The following RCOR2 variants were observed in gnomAD, a reference collection of about 807,000 sequenced individuals.
RCOR2 encodes REST corepressor 2.
Under a neutral mutation model 58.9 loss-of-function variants are expected in RCOR2, and 19 were observed. That is an observed-to-expected ratio of 0.32 (90% confidence interval 0.23 to 0.47). RCOR2 has a LOEUF of 0.47. Among genes scored for constraint, RCOR2 ranks in the 20% least tolerant of loss-of-function variants. The pLI is 1.00. For missense variants in RCOR2, 590 were observed against 707.9 expected (o/e 0.83, Z 1.89); for synonymous variants, 286 against 278.7 (o/e 1.03, Z -0.26).
chr11:63,914,065 G>A lies in RCOR2; in HGVS notation c.780C>T (p.Pro260=). 6.2e-7 allele frequency: 1 copy of A among 1,613,878 alleles called. No homozygotes were observed. The highest frequency in any genetic ancestry group is 1.7e-4 in the Middle Eastern group (1 of 6,046). Residue 260 remains proline, a synonymous_variant, in exon 8 of 12, where the codon CCC becomes CCT. Transcript: ENST00000301459. ...CTTCAGGGCTCAGGTACATGCCCTTGGGTGGGCGACGCCGGGTTCGCAAGG... is the reference window on the plus strand; with the variant it reads ...CTTCAGGGCTCAGGTACATGCCCTTAGGTGGGCGACGCCGGGTTCGCAAGG... ...HHPLRTRRRP[P]KGMYLSPEGL... is the part of the protein sequence containing the mutation.
upstream of RCOR2, among the ~76,000 whole-genome samples, chr11:63,919,571 G>A (rs1347625099): frequency 6.6e-6 from 1 of 152,134 alleles, no homozygotes; most frequent in Non-Finnish European, 1.5e-5. Flanking sequence ...GAGGTGCCAC[G>A]TGGCCAGGAA....
intron 3 of RCOR2, 71 bp downstream of exon 3, chr11:63,915,107 C>G (rs1422078201): frequency 2.0e-6 from 3 of 1,514,912 alleles, no homozygotes; most frequent in Non-Finnish European, 2.7e-6. Flanking sequence ...TTCCAGCCCC[C>G]TTCTGAGAAG....
Position 63,912,509 on chromosome 11 carries a change from A to G in RCOR2, c.1053T>C (p.Phe351=), listed in dbSNP as rs746524668. 5.6e-6 allele frequency: 9 copies of G among 1,613,810 alleles called. No individual in the cohort carries two copies. The South Asian group carries it at 9.9e-5, about 18-fold the overall frequency. The part of the protein sequence containing the change: ...VQAIRRYGKD[F]GAIAEVIGNK... ...TCCCAATCACCTCTGCAATAGCCCC[A>G]AAGTCTTTGCCATACCTACGGATGG... is the stretch of plus-strand genomic sequence containing the variant. Residue 351 remains phenylalanine, a synonymous_variant, in exon 11 of 12, where the codon TTT becomes TTC. Transcript: ENST00000301459.
upstream of RCOR2, among the ~76,000 whole-genome samples, chr11:63,919,842 A>G (rs1941904653): frequency 6.6e-6 from 1 of 152,258 alleles, no homozygotes; most frequent in Non-Finnish European, 1.5e-5. Flanking sequence ...GCTGCAGGCC[A>G]GGACGCAGGC....
At chr11:63,921,639 T>C (rs1421087089), upstream of RCOR2, among the ~76,000 whole-genome samples, 3 of 152,194 alleles carry the variant, frequency 2.0e-5, no homozygotes, top group African/African-American at 7.2e-5. Context: ...CCTGACCTCA[T>C]TGACTGTTAG....
chr11:63,915,260 T>C lies in RCOR2; in HGVS notation c.185-2A>G. 1 of 1,551,188 alleles carries C rather than the reference T, an allele frequency of 6.4e-7. No individual in the cohort carries two copies. The highest frequency in any genetic ancestry group is 8.7e-7 in the Non-Finnish European group (1 of 1,146,888). ...TGTTGCTGTAGCGTGCGGGGCTCTC[T>C]GAAAGGCCGAGGAGCAGGAGGGAAG... On this transcript the variant is annotated splice_acceptor_variant, in intron 2 of 11. Coordinates refer to ENST00000301459, the MANE Select transcript of RCOR2 (RefSeq NM_173587.4). LOFTEE classifies it high-confidence loss of function.
In RCOR2 at chr11:63,914,162, G is replaced by A. The variant is rs779623588; in HGVS notation, c.683C>T (p.Pro228Leu). Residue 228 changes from proline to leucine, a missense_variant, in exon 8 of 12, where the codon CCC (proline) becomes CTC (leucine). Pro to Leu is a moderately conservative substitution (Grantham distance 98). Transcript: ENST00000301459. ...TGGGCGTGCATTCAGGGGCCGAGAG[G>A]GTAGAGGCTGCCAGTGAAAGGAGAG... ...DPADPKREPL[P>L]SRPLNARPGP... 5 of 1,613,596 alleles carry A rather than the reference G, an allele frequency of 3.1e-6. No homozygotes were observed. The highest frequency in any genetic ancestry group is 1.3e-5 in the African/African-American group (1 of 74,924).
At chr11:63,924,397 C>T in the RCOR2 span, among the ~76,000 whole-genome samples, 8 of 152,166 alleles carry the variant, frequency 5.3e-5, no homozygotes, top group Middle Eastern at 6.8e-3. Context: ...TTAGTAGAGA[C>T]GGGGTTTCAC....
chr11:63,919,228 G>C (rs1430461480), upstream of RCOR2, among the ~76,000 whole-genome samples: 3 of 152,032 alleles, frequency 2.0e-5, no homozygotes, highest in Non-Finnish European at 4.4e-5. Context: ...TCCTAGTGAA[G>C]AACCCCCTCA....
chr11:63,914,753 A>G lies in RCOR2; in HGVS notation c.382T>C (p.Phe128Leu). 1 of 1,613,412 alleles carries G rather than the reference A, an allele frequency of 6.2e-7. No individual in the cohort carries two copies. Among genetic ancestry groups the G allele is most frequent in the Non-Finnish European group, 8.5e-7 (1 of 1,179,698 alleles). ...GTCCACTCGTCAGGGAATGGGGTGA[A>G]GTTGGCCAGGTCGGCCAGCGACTTC... ...VEKSLADLAN[F>L]TPFPDEWTVE... Residue 128 changes from phenylalanine to leucine, a missense_variant, in exon 5 of 12, where the codon TTC becomes CTC. Physicochemically the swap from Phe to Leu is conservative, Grantham distance 22 (BLOSUM62 0). Transcript: ENST00000301459.
upstream of RCOR2, among the ~76,000 whole-genome samples, chr11:63,918,713 C>A (rs372007930): frequency 6.6e-6 from 1 of 152,132 alleles, no homozygotes; most frequent in South Asian, 2.1e-4. Flanking sequence ...TCTGTCCCCT[C>A]CTGCCTGGCA....
chr11:63,923,244 T>C, the RCOR2 span, among the ~76,000 whole-genome samples: 1 of 151,946 alleles, frequency 6.6e-6, no homozygotes, highest in African/African-American at 2.4e-5. Flanking sequence ...TCCTTACTCA[T>C]GTTTGTCTTC....
At chr11:63,917,275 G>A (rs1201938258), upstream of RCOR2, among the ~76,000 whole-genome samples, 2 of 152,056 alleles carry the variant, frequency 1.3e-5, no homozygotes, top group East Asian at 1.9e-4. Flanking sequence ...GGCCCGGGGG[G>A]CGGGGCCAGG....
Position 63,911,746 on chromosome 11 carries a change from T to C in RCOR2, c.*119A>G, listed in dbSNP as rs2134243021. 1.5e-6 allele frequency: 2 copies of C among 1,377,564 alleles called. No individual in the cohort carries two copies. Among genetic ancestry groups the C allele is most frequent in the Non-Finnish European group, 1.9e-6 (2 of 1,071,688 alleles). 85.3% of individuals were successfully genotyped at this position (1,377,564 alleles called of 1,614,324 possible). On this transcript the variant is annotated 3_prime_UTR_variant, in exon 12 of 12. Transcript: ENST00000301459. The stretch of plus-strand genomic sequence containing the variant: ...GGCGGGGCTGGGCTGTCCGAAACTC[T>C]GGTCTTACAAAGACCCCGCCAGAGC...
At position 63,915,619 on chromosome 11, in the gene RCOR2, G is replaced by A. The variant is rs1198814199; in HGVS notation, c.128-8C>T. 9 of 1,546,590 alleles carry A rather than the reference G, an allele frequency of 5.8e-6. No homozygotes were observed. Among genetic ancestry groups the A allele is most frequent in the Non-Finnish European group, 7.9e-6 (9 of 1,145,520 alleles). On this transcript the variant is annotated splice_region_variant and splice_polypyrimidine_tract_variant and intron_variant, in intron 1 of 11. Transcript: ENST00000301459. ...CAACGCGGATCATGCTGTCTGTGGA[G>A]CCAGGGGGAGGCAGTCAGGACTCCA...
At chr11:63,921,890 T>C (rs535365510), upstream of RCOR2, among the ~76,000 whole-genome samples, 1 of 152,310 alleles carries the variant, frequency 6.6e-6, no homozygotes, top group Admixed American at 6.5e-5. Context: ...TTCTCAACTA[T>C]GGGTTGAACA....
intron 11 of RCOR2, 31 bp downstream of exon 11, chr11:63,912,274 C>G: frequency 6.2e-7 from 1 of 1,601,422 alleles, no homozygotes; most frequent in Non-Finnish European, 8.6e-7. Context: ...CGCCTCTCCT[C>G]TCTGAGGGGT....
In RCOR2 at chr11:63,914,073, G is replaced by A. The variant is rs1416494502; in HGVS notation, c.772C>T (p.Arg258Cys). ...CTCAGGTACATGCCCTTGGGTGGGC[G>A]ACGCCGGGTTCGCAAGGGATGGTGG... is the stretch of plus-strand genomic sequence containing the variant. Reference protein sequence around the residue: ...YRHHPLRTRRRPPKGMYLSPE... With the variant: ...YRHHPLRTRRCPPKGMYLSPE... The change falls in exon 8 of 12, where the codon CGC becomes TGC. Residue 258 changes from arginine (R) to cysteine (C), a missense_variant. By Grantham distance (180) the Arg-to-Cys change is radical. This residue lies in a region of RCOR2 where 390 missense variants were observed against 478.7 expected (regional missense o/e 0.81). Transcript: ENST00000301459. 2.0e-5 allele frequency: 32 copies of A among 1,613,768 alleles called. No individual in the cohort carries two copies. Among genetic ancestry groups the A allele is most frequent in the African/African-American group, 2.7e-5 (2 of 74,934 alleles).
At chr11:63,917,579 C>T (rs929092195), upstream of RCOR2, among the ~76,000 whole-genome samples, 2 of 152,170 alleles carry the variant, frequency 1.3e-5, no homozygotes. Flanking sequence ...CCCCGCCCCC[C>T]CTTCCGCAGG....
Sources: allele counts gnomAD v4.1 joint callset (sites outside exome capture counted in the v4.1 genomes callset), GRCh38; gene constraint gnomAD v4.1.1; regional missense constraint gnomAD v4.1.1; transcripts MANE v1.5; gene names NCBI Gene and HGNC (gene_info 2026-07-23, HGNC 2026-07-21).